ITGB5: variants seen among roughly 807,000 people sequenced by gnomAD.
ITGB5 encodes the protein integrin beta-5.
A neutral mutation model predicts 84.8 loss-of-function variants in ITGB5; 38 were observed. That is an observed-to-expected ratio of 0.45 (90% CI 0.35 to 0.59). The LOEUF (loss-of-function observed/expected upper bound fraction) is 0.59. Among genes scored for constraint, ITGB5 ranks in the 20% least tolerant of loss-of-function variants. The probability of loss-of-function intolerance (pLI) is 0.01; values close to 1 mark genes in which losing one functional copy is unlikely to be tolerated. For missense variants in ITGB5, 905 were observed against 1,034.5 expected (o/e 0.87, Z 1.72); for synonymous variants, 393 against 414.4 (o/e 0.95, Z 0.63).
intron 6 of ITGB5, among the ~76,000 whole-genome samples, chr3:124,820,652 G>A (rs2064686909): frequency 6.6e-6 from 1 of 152,194 alleles, no homozygotes; most frequent in Non-Finnish European, 1.5e-5. Flanking sequence ...GAAAGAAAAG[G>A]ATGCAGATTT....
At chr3:124,855,285 G>A (rs558225153) in intron 3 of ITGB5, among the ~76,000 whole-genome samples, 2 of 152,186 alleles carry the variant, frequency 1.3e-5, no homozygotes, top group South Asian at 4.2e-4. Flanking sequence ...CAGCCTGGGC[G>A]ACAGAGCGAG....
rs144233055 is a variant in ITGB5, at chr3:124,821,338, T to C, written c.917A>G (p.Asn306Ser). 3.7e-4 allele frequency: 596 copies of C among 1,614,026 alleles called. No homozygotes were observed. Among genetic ancestry groups the C allele is most frequent in the Non-Finnish European group, 3.1e-4 (362 of 1,179,944 alleles). The change falls in exon 6 of 15, where the codon AAC becomes AGC. Residue 306 changes from asparagine to serine, a missense_variant. Transcript: ENST00000296181. ...HDGQCHLNEA[N>S]EYTASNQMDY... is the part of the protein sequence containing the mutation. ...CATCTGGTTGGATGCAGTGTACTCG[T>C]TGGCCTCGTTCAGGTGGCACTGGCC...
In ITGB5 at chr3:124,809,058, ACCAGGATAGGATACC is replaced by A. The variant is rs901623141; in HGVS notation, c.1212_1226del (p.Val405_Gly409del). On this transcript the variant is annotated inframe_deletion, in exon 9 of 15. Transcript: ENST00000296181. The stretch of plus-strand genomic sequence containing the variant: ...TCTTCAGACCCTCACACTTCCTCTG[ACCAGGATAGGATACC>A]CCATCTTGGCAGGTAGCAGTAAAGA... 3 of 1,614,112 alleles carry A rather than the reference ACCAGGATAGGATACC, an allele frequency of 1.9e-6. No individual in the cohort carries two copies. In the African/African-American group the frequency reaches 4.0e-5, roughly 22 times the overall value.
chr3:124,853,659 AAGG>A (rs67719755), intron 3 of ITGB5, among the ~76,000 whole-genome samples: 3,552 of 152,318 alleles, frequency 0.023, 128 homozygotes, highest in African/African-American at 0.081. Context: ...TAGAACCTGG[AAGG>A]AGAAGGGAGG....
intron 10 of ITGB5, among the ~76,000 whole-genome samples, chr3:124,785,584 CAAAAA>C (rs11372347): frequency 1.1e-5 from 1 of 95,104 alleles, no homozygotes; most frequent in South Asian, 3.8e-4. Context: ...GACTCCATCT[CAAAAA>C]AAAAAAAAAA....
intron 1 of ITGB5, among the ~76,000 whole-genome samples, chr3:124,879,091 C>T (rs1370607084): frequency 5.9e-5 from 9 of 152,306 alleles, no homozygotes; most frequent in African/African-American, 1.4e-4. Context: ...CCACCGCATC[C>T]GGTTGATCAC....
chr3:124,886,067 A>G (rs1286466692), intron 1 of ITGB5, among the ~76,000 whole-genome samples: 2 of 152,146 alleles, frequency 1.3e-5, no homozygotes, highest in East Asian at 1.9e-4. Flanking sequence ...ACCACGTCCA[A>G]TCATCTCCCA....
intron 8 of ITGB5, among the ~76,000 whole-genome samples, chr3:124,810,109 G>A (rs1050758149): frequency 1.3e-5 from 2 of 152,184 alleles, no homozygotes; most frequent in Non-Finnish European, 2.9e-5. Context: ...CCTAGCAAGA[G>A]TAGAATGGAT....
intron 10 of ITGB5, among the ~76,000 whole-genome samples, chr3:124,778,138 C>A (rs369136773): frequency 2.0e-5 from 3 of 152,156 alleles, no homozygotes; most frequent in Non-Finnish European, 2.9e-5. Flanking sequence ...ATAGTGCCTG[C>A]GGAAAAAATA....
chr3:124,775,575 T>TATTA (rs1278216313), intron 10 of ITGB5, among the ~76,000 whole-genome samples: 5 of 152,160 alleles, frequency 3.3e-5, no homozygotes. Flanking sequence ...ATCAACTTTG[T>TATTA]ATTATTTTTT....
In ITGB5 at chr3:124,841,549, T is replaced by C; in HGVS notation, c.614A>G (p.Tyr205Cys). The change falls in exon 5 of 15, where the codon TAC (tyrosine) becomes TGC (cysteine). Residue 205 changes from tyrosine (Y) to cysteine (C), a missense_variant and splice_region_variant. Transcript: ENST00000296181. ...GGGGACGCAATTTGGAAACAACTTG[T>C]AACTAGAGAGGAAGAAGAGAAGAGT... is the stretch of plus-strand genomic sequence containing the variant. ...PRYQTNPCIG[Y>C]KLFPNCVPSF... is the part of the protein sequence containing the mutation. 6.2e-7 allele frequency: 1 copy of C among 1,613,524 alleles called. No individual in the cohort carries two copies. The highest frequency in any genetic ancestry group is 1.1e-5 in the South Asian group (1 of 90,964).
intron 3 of ITGB5, among the ~76,000 whole-genome samples, chr3:124,858,740 G>A (rs1043552899): frequency 2.1e-4 from 32 of 152,232 alleles, no homozygotes; most frequent in African/African-American, 7.5e-4. Flanking sequence ...CTGAATGACT[G>A]TAATTTCTGC....
At chr3:124,788,140 T>A (rs896777398) in intron 10 of ITGB5, among the ~76,000 whole-genome samples, 1 of 152,048 alleles carries the variant, frequency 6.6e-6, no homozygotes, top group African/African-American at 2.4e-5. Flanking sequence ...GCTCAAGCAA[T>A]CCACCCACCA....
chr3:124,772,888 C>T (rs963090214), intron 11 of ITGB5, among the ~76,000 whole-genome samples: 23 of 149,338 alleles, frequency 1.5e-4, no homozygotes, highest in African/African-American at 5.4e-4. Flanking sequence ...TTATCTAGGT[C>T]GGGTGCCTTT....
Position 124,762,183 on chromosome 3 carries a change from G to T in ITGB5, c.*1440C>A, listed in dbSNP as rs1401466844. 1.3e-5 allele frequency: 2 copies of T among 152,206 alleles called. No homozygotes were observed. Among genetic ancestry groups the T allele is most frequent in the Non-Finnish European group, 2.9e-5 (2 of 68,050 alleles). 9.4% of individuals were successfully genotyped at this position (152,206 alleles called of 1,614,324 possible). A position where few individuals can be genotyped will look rare whatever the true frequency, so the allele number is the denominator to read the frequency against. On this transcript the variant is annotated 3_prime_UTR_variant, in exon 15 of 15. Coordinates refer to ENST00000296181, the MANE Select transcript of ITGB5 (RefSeq NM_002213.5). ...GACAGGCATTTCACTATTTGACTTA[G>T]TGTTTGCCAAAATGAAGTAAGGGGA...
chr3:124,774,091 G>T (rs1270270264), intron 10 of ITGB5, among the ~76,000 whole-genome samples, 179 bp from the exon 11 acceptor site: 1 of 152,216 alleles, frequency 6.6e-6, no homozygotes, highest in Non-Finnish European at 1.5e-5. Flanking sequence ...GGACAGCAGG[G>T]GACCCTGGCA....
chr3:124,766,232 C>T lies in ITGB5; in HGVS notation c.2131G>A (p.Glu711Lys), dbSNP rs149090091. The T allele has an allele frequency of 1.2e-5, 20 of 1,613,592 alleles. No homozygotes were observed. The highest frequency in any genetic ancestry group is 1.6e-5 in the Non-Finnish European group (19 of 1,179,894). The change falls in exon 13 of 15, where the codon GAG becomes AAG. Residue 711 changes from glutamate to lysine, a missense_variant. Physicochemically the swap from Glu to Lys is moderately conservative, Grantham distance 56 (BLOSUM62 1). This residue lies in a region of ITGB5 where 133 missense variants were observed against 122.8 expected (regional missense o/e 1.08). Coordinates refer to ENST00000296181, the MANE Select transcript of ITGB5 (RefSeq NM_002213.5). ...CCTTGCAGCCCTCACCTACCTGGCT[C>T]CCTGAGGACGGTCAGGTTGGACTTC... ...SGKSNLTVLR[E>K]PECGNTPNAM...
chr3:124,828,432 T>C lies in ITGB5; in HGVS notation c.781-6958A>G, dbSNP rs537429017. On this transcript the variant is annotated intron_variant, in intron 5 of 14. Transcript: ENST00000296181. ...ATAAGGCAGGCAAAAAAAGAGTGTA[T>C]ACTAGGCATATGAAATTTGAGTAAA... 3.9e-5 allele frequency among the ~76,000 whole-genome samples: 6 copies of C among 152,268 alleles called. No homozygotes were observed. In the East Asian group the frequency reaches 7.7e-4, roughly 20 times the overall value.
intron 1 of ITGB5, among the ~76,000 whole-genome samples, chr3:124,880,554 C>T (rs62265658): frequency 0.16 from 24,657 of 152,124 alleles, 2,250 homozygotes; most frequent in South Asian, 0.22. Flanking sequence ...GTTCAAGCTA[C>T]AGTGGGCCAT....
Sources: allele counts gnomAD v4.1 joint callset (sites outside exome capture counted in the v4.1 genomes callset), GRCh38; gene constraint gnomAD v4.1.1; regional missense constraint gnomAD v4.1.1; transcripts MANE v1.5; gene names NCBI Gene and HGNC (gene_info 2026-07-23, HGNC 2026-07-21).